The following DMXL1 variants were observed in gnomAD, a reference collection of about 807,000 sequenced individuals.
DMXL1 encodes the protein dmX-like protein 1.
DMXL1 carries 99 observed loss-of-function variants against 319.2 expected under a neutral mutation model. That is an observed-to-expected ratio of 0.31 (90% CI 0.26 to 0.37). The LOEUF (loss-of-function observed/expected upper bound fraction) is 0.37. Ranked by LOEUF, DMXL1 falls within the 10% of genes least tolerant of loss-of-function variation. The pLI is 1.00. For synonymous variants in DMXL1, 1,385 were observed against 1,235.2 expected, an observed-to-expected ratio of 1.12 and a Z score of -2.54; for missense variants, 3,745 against 3,595.6, an observed-to-expected ratio of 1.04 and a Z score of -1.06.
intron 16 of DMXL1, 145 bp downstream of exon 16, chr5:119,147,101 T>A (rs1200994582): frequency 8.7e-7 from 1 of 1,145,132 alleles, no homozygotes; most frequent in Non-Finnish European, 1.2e-6. Flanking sequence ...TTCAAAAAGC[T>A]TTTCTTATTT....
At chr5:119,194,482 G>T (rs1445058541) in intron 30 of DMXL1, among the ~76,000 whole-genome samples, 2 of 152,050 alleles carry the variant, frequency 1.3e-5, no homozygotes, top group Non-Finnish European at 2.9e-5. Context: ...ATGAATGATG[G>T]AATATTATCT....
intron 38 of DMXL1, among the ~76,000 whole-genome samples, chr5:119,233,088 G>A (rs1787081219): frequency 6.6e-6 from 1 of 151,954 alleles, no homozygotes; most frequent in Non-Finnish European, 1.5e-5. Context: ...TAACTTTAAA[G>A]GGAAATAAAA....
chr5:119,245,906 AAAAG>A (rs1789672632), intron 43 of DMXL1, among the ~76,000 whole-genome samples: 1 of 152,162 alleles, frequency 6.6e-6, no homozygotes. Flanking sequence ...TTAAAAAAAA[AAAAG>A]AGTTGAAAAT....
intron 30 of DMXL1, 105 bp downstream of exon 30, chr5:119,194,075 C>T (rs945065837): frequency 2.7e-6 from 2 of 744,272 alleles, no homozygotes; most frequent in South Asian, 6.1e-5. Context: ...GACTTTATAA[C>T]ACATTATAAC....
chr5:119,166,560 C>A, intron 21 of DMXL1, 56 bp from the exon 22 acceptor site: 2 of 1,477,934 alleles, frequency 1.4e-6, no homozygotes, highest in South Asian at 2.5e-5. Flanking sequence ...AAAATTGATT[C>A]TGATGTAAAG....
intron 27 of DMXL1, 67 bp from the exon 28 acceptor site, chr5:119,177,929 A>G: frequency 1.4e-6 from 2 of 1,380,870 alleles, no homozygotes; most frequent in South Asian, 1.6e-5. Flanking sequence ...AATTAGAAAA[A>G]TATAGTTAAT....
At chr5:119,171,661 T>C in intron 24 of DMXL1, 117 bp from the exon 25 acceptor site, 1 of 796,880 alleles carries the variant, frequency 1.3e-6, no homozygotes, top group Admixed American at 3.0e-5. Context: ...TCTAAGTTTC[T>C]ATTATGCTTT....
chr5:119,112,692 C>T lies in DMXL1; in HGVS notation c.498-1783C>T, dbSNP rs184308910. On this transcript the variant is annotated intron_variant, in intron 5 of 43. Transcript: ENST00000539542. Reference sequence around the variant, plus strand: ...GAGCTGTAGGCTGGGCTCGGTGGCTCACGCCTGTAATCTGAACACTTTGGG... The same window carrying T: ...GAGCTGTAGGCTGGGCTCGGTGGCTTACGCCTGTAATCTGAACACTTTGGG... Among the ~76,000 whole-genome samples, 626 of 152,208 alleles carry T rather than the reference C, an allele frequency of 4.1e-3. 7 individuals are homozygous for T. Among genetic ancestry groups the T allele is most frequent in the South Asian group, 0.023 (110 of 4,822 alleles).
At chr5:119,091,021 ATC>A (rs1329561461) in intron 1 of DMXL1, among the ~76,000 whole-genome samples, 1 of 151,892 alleles carries the variant, frequency 6.6e-6, no homozygotes, top group African/African-American at 2.4e-5. Context: ...AAATATTTCA[ATC>A]TGTTTATTAA....
chr5:119,132,345 A>C (rs1393178791), intron 10 of DMXL1, among the ~76,000 whole-genome samples: 1 of 152,214 alleles, frequency 6.6e-6, no homozygotes, highest in African/African-American at 2.4e-5. Context: ...TTGTGTTGTT[A>C]TAATGAAGAT....
At chr5:119,152,965 A>G (rs937710386) in intron 19 of DMXL1, among the ~76,000 whole-genome samples, 1 of 150,930 alleles carries the variant, frequency 6.6e-6, no homozygotes, top group African/African-American at 2.4e-5. Flanking sequence ...TCTAAATCAA[A>G]TTCTTTTTAG....
chr5:119,194,594 A>T (rs1316677773), intron 30 of DMXL1, among the ~76,000 whole-genome samples: 1 of 152,366 alleles, frequency 6.6e-6, no homozygotes, highest in Non-Finnish European at 1.5e-5. Flanking sequence ...AGAAGTAAAT[A>T]TATGAGGGAC....
At chr5:119,245,229 T>G (rs1789524191) in intron 43 of DMXL1, among the ~76,000 whole-genome samples, 1 of 152,184 alleles carries the variant, frequency 6.6e-6, no homozygotes, top group Non-Finnish European at 1.5e-5. Context: ...GTTTGGTAAT[T>G]GGTAAATCAG....
rs1761438372 is a variant in DMXL1 at position 119,118,953 on chromosome 5, T to C, written c.882T>C (p.Asn294=). 5 of 1,613,564 alleles carry C rather than the reference T, an allele frequency of 3.1e-6. No individual in the cohort carries two copies. The highest frequency in any genetic ancestry group is 1.3e-5 in the African/African-American group (1 of 74,928). ...SHWTESINLT[N]NFKRNASSKE... ...GGACTGAATCAATTAATTTAACAAA[T>C]AACTTCAAGAGAAATGCTTCCAGTA... is the stretch of plus-strand genomic sequence containing the variant. The change falls in exon 8 of 44, where the codon AAT becomes AAC. Residue 294 remains asparagine, a synonymous_variant. Transcript: ENST00000539542.
intron 2 of DMXL1, 23 bp downstream of exon 2, chr5:119,098,127 A>G: frequency 6.3e-7 from 1 of 1,593,300 alleles, no homozygotes; most frequent in Non-Finnish European, 8.5e-7. Context: ...CTTCTAATAT[A>G]CAAATTTGTT....
chr5:119,199,473 T>C (rs2150427112), intron 32 of DMXL1, among the ~76,000 whole-genome samples: 1 of 152,338 alleles, frequency 6.6e-6, no homozygotes, highest in Non-Finnish European at 1.5e-5. Flanking sequence ...CTGTCACTGA[T>C]GAGCGTTTAG....
chr5:119,224,982 A>C (rs1490041495), intron 38 of DMXL1, among the ~76,000 whole-genome samples: 1 of 152,050 alleles, frequency 6.6e-6, no homozygotes, highest in East Asian at 1.9e-4. Context: ...AAGCTGATTT[A>C]ATGAAGTAAA....
intron 10 of DMXL1, 110 bp from the exon 11 acceptor site, chr5:119,133,022 C>A (rs1765274147): frequency 1.6e-6 from 2 of 1,215,954 alleles, no homozygotes; most frequent in Admixed American, 2.2e-5. Flanking sequence ...TCCATGCTCT[C>A]CTTAGGCATG....
At chr5:119,194,407 C>A (rs1008744544) in intron 30 of DMXL1, among the ~76,000 whole-genome samples, 1 of 152,208 alleles carries the variant, frequency 6.6e-6, no homozygotes, top group Non-Finnish European at 1.5e-5. Context: ...AAAAAGTACT[C>A]TGTATGTCAT....
Sources: gnomAD v4.1 joint callset for allele counts (sites outside exome capture counted in the v4.1 genomes callset) on GRCh38, gnomAD v4.1.1 for gene constraint, MANE v1.5 for transcripts, NCBI Gene and HGNC (gene_info 2026-07-23, HGNC 2026-07-21) for gene names.